Variants in TMEM232 observed in about 807,000 individuals in gnomAD.
TMEM232 encodes transmembrane protein 232.
In TMEM232, 80 loss-of-function variants were observed where a neutral mutation model predicts 78.8. The ratio of observed to expected loss-of-function variants is 1.01; its 90% CI spans 0.85 to 1.22. TMEM232 has a LOEUF of 1.22. Among genes scored for constraint, TMEM232 ranks in the 50% most tolerant of loss-of-function variants. TMEM232 has a pLI of 0.00. For missense variants in TMEM232, 881 were observed against 742.2 expected, an observed-to-expected ratio of 1.19 and a Z score of -2.17; for synonymous variants, 297 against 254.3, an observed-to-expected ratio of 1.17 and a Z score of -1.60.
chr5:110,484,217 A>G (rs1294447233), intron 12 of TMEM232, among the ~76,000 whole-genome samples: 1 of 152,140 alleles, frequency 6.6e-6, no homozygotes, highest in Non-Finnish European at 1.5e-5. Flanking sequence ...TCACTACCCA[A>G]ATGACAGAAT....
upstream of TMEM232, chr5:110,738,259 C>G (rs1217379670): frequency 1.6e-6 from 2 of 1,285,856 alleles, no homozygotes; most frequent in Non-Finnish European, 2.0e-6. Flanking sequence ...TAGTAGGGGA[C>G]GCTCTACAGT....
chr5:110,703,423 C>T (rs1188311966), intron 1 of TMEM232, among the ~76,000 whole-genome samples: 2 of 152,092 alleles, frequency 1.3e-5, no homozygotes, highest in South Asian at 4.1e-4. Flanking sequence ...GAAACCCTTA[C>T]TAGCATAGCT....
chr5:110,693,352 GA>G (rs923988043), intron 1 of TMEM232, among the ~76,000 whole-genome samples: 1 of 152,128 alleles, frequency 6.6e-6, no homozygotes, highest in Non-Finnish European at 1.5e-5. Flanking sequence ...CAAAGATGGG[GA>G]AAAAACAGAG....
At chr5:110,585,780 C>G (rs73224351) in intron 10 of TMEM232, among the ~76,000 whole-genome samples, 6,831 of 152,066 alleles carry the variant, frequency 0.045, 555 homozygotes, top group African/African-American at 0.16. Flanking sequence ...TCATCCAGCT[C>G]CCTGCGGTCT....
chr5:110,470,569 C>T (rs1198897770), intron 12 of TMEM232, among the ~76,000 whole-genome samples: 1 of 152,158 alleles, frequency 6.6e-6, no homozygotes, highest in Non-Finnish European at 1.5e-5. Context: ...ACGATATAAA[C>T]TCTTGCCACT....
chr5:110,534,422 T>C (rs1772019004), intron 11 of TMEM232, among the ~76,000 whole-genome samples: 1 of 152,180 alleles, frequency 6.6e-6, no homozygotes, highest in Non-Finnish European at 1.5e-5. Flanking sequence ...TTTTATCACT[T>C]TCCCTTCTCA....
intron 11 of TMEM232, among the ~76,000 whole-genome samples, chr5:110,538,174 C>T (rs1023229147): frequency 1.3e-5 from 2 of 152,172 alleles, no homozygotes; most frequent in African/African-American, 4.8e-5. Context: ...CAGCCATGGA[C>T]TTATGGCAGG....
rs199821896 is a variant in TMEM232, at chr5:110,649,145, G to A, written c.126-6774C>T. On this transcript the variant is annotated intron_variant, in intron 2 of 13. Coordinates refer to ENST00000455884, the MANE Select transcript of TMEM232 (RefSeq NM_001039763.4). ...CTGCAACTATACAAACAATATAGAC[G>A]ATCTTACAAACATATAGAATATACA... is the stretch of plus-strand genomic sequence containing the variant. Among the ~76,000 whole-genome samples, 29 of 152,066 alleles carry A rather than the reference G, an allele frequency of 1.9e-4. No individual in the cohort carries two copies. The East Asian group carries it at 5.4e-3, about 28-fold the overall frequency.
chr5:110,445,748 G>A (rs561550213), intron 12 of TMEM232, among the ~76,000 whole-genome samples: 1 of 152,196 alleles, frequency 6.6e-6, no homozygotes, highest in African/African-American at 2.4e-5. Context: ...CATGATTATT[G>A]ACATGCCTCA....
chr5:110,652,614 T>A (rs1173767145), intron 2 of TMEM232, among the ~76,000 whole-genome samples: 2 of 152,144 alleles, frequency 1.3e-5, no homozygotes, highest in African/African-American at 2.4e-5. Flanking sequence ...CTTTAATTGG[T>A]CTCCTACAGA....
chr5:110,703,934 G>A (rs1795676242), intron 1 of TMEM232, among the ~76,000 whole-genome samples: 1 of 152,000 alleles, frequency 6.6e-6, no homozygotes, highest in Non-Finnish European at 1.5e-5. Flanking sequence ...TAACCTAAGA[G>A]CAACTCCTTT....
intron 12 of TMEM232, among the ~76,000 whole-genome samples, chr5:110,468,683 T>G (rs1036284150): frequency 1.3e-5 from 2 of 152,078 alleles, no homozygotes; most frequent in Non-Finnish European, 2.9e-5. Flanking sequence ...TTTAATAAAA[T>G]TATATAATCA....
At chr5:110,719,280 T>C (rs543964104) in intron 1 of TMEM232, among the ~76,000 whole-genome samples, 9 of 151,998 alleles carry the variant, frequency 5.9e-5, no homozygotes, top group East Asian at 3.9e-4. Flanking sequence ...TATATATATA[T>C]ACACACACAC....
intron 10 of TMEM232, among the ~76,000 whole-genome samples, chr5:110,580,005 A>C (rs560138048): frequency 6.6e-6 from 1 of 151,724 alleles, no homozygotes; most frequent in Non-Finnish European, 1.5e-5. Context: ...AAGAAGCCAG[A>C]GTGGCTATAC....
chr5:110,536,000 C>CT (rs1277966832), intron 11 of TMEM232, among the ~76,000 whole-genome samples: 1 of 152,222 alleles, frequency 6.6e-6, no homozygotes, highest in Non-Finnish European at 1.5e-5. Context: ...TGATCCTTTC[C>CT]TGCAACCGAT....
intron 1 of TMEM232, among the ~76,000 whole-genome samples, chr5:110,684,161 G>C (rs139794129): frequency 6.6e-6 from 1 of 151,664 alleles, no homozygotes; most frequent in East Asian, 1.9e-4. Context: ...ACCATAAAAG[G>C]GTGTCTATAT....
intron 2 of TMEM232, among the ~76,000 whole-genome samples, chr5:110,406,177 T>A (rs1755781549): frequency 6.6e-6 from 1 of 151,596 alleles, no homozygotes; most frequent in African/African-American, 2.4e-5. Flanking sequence ...ATATCTGAGG[T>A]AGCTATAAAA....
intron 12 of TMEM232, among the ~76,000 whole-genome samples, chr5:110,484,912 A>T (rs1448818048): frequency 6.6e-6 from 1 of 152,168 alleles, no homozygotes; most frequent in African/African-American, 2.4e-5. Flanking sequence ...TCAGCATTAT[A>T]TAAAAGAACC....
chr5:110,457,574 C>T (rs1247035999), intron 12 of TMEM232, among the ~76,000 whole-genome samples: 2 of 151,760 alleles, frequency 1.3e-5, no homozygotes, highest in Non-Finnish European at 2.9e-5. Context: ...TATATATGGT[C>T]ATCAAAAAAA....
Sources: allele counts gnomAD v4.1 joint callset (sites outside exome capture counted in the v4.1 genomes callset), GRCh38; gene constraint gnomAD v4.1.1; transcripts MANE v1.5; gene names NCBI Gene and HGNC (gene_info 2026-07-23, HGNC 2026-07-21).